Variants in NIBAN1 observed in about 807,000 individuals in gnomAD.
NIBAN1 encodes the protein protein Niban 1.
A neutral mutation model predicts 75.1 loss-of-function variants in NIBAN1; 81 were observed. The ratio of observed to expected loss-of-function variants is 1.08; its 90% CI spans 0.90 to 1.30. NIBAN1 has a LOEUF of 1.30. NIBAN1 is among the 50% of genes most tolerant of loss of function. NIBAN1 has a pLI of 0.00. For synonymous variants in NIBAN1, 436 were observed against 424.8 expected, an observed-to-expected ratio of 1.03 and a Z score of -0.32; for missense variants, 1,133 against 1,128.1, an observed-to-expected ratio of 1.00 and a Z score of -0.06.
chr1:184,888,624 A>G lies in NIBAN1; in HGVS notation c.433+1484T>C, dbSNP rs143240300. Among the ~76,000 whole-genome samples the G allele has an allele frequency of 5.6e-3, 853 of 152,276 alleles. 6 individuals are homozygous for G. The highest frequency in any genetic ancestry group is 0.019 in the African/African-American group (800 of 41,562). ...TTTAAAAAGTCATTAAAATGCCCCA[A>G]TCTGAAGCCTTGGGCCAACTGGGAT... On this transcript the variant is annotated intron_variant, in intron 4 of 13. Coordinates refer to ENST00000367511, the MANE Select transcript of NIBAN1 (RefSeq NM_052966.4).
intron 9 of NIBAN1, among the ~76,000 whole-genome samples, chr1:184,812,797 C>G (rs902129103): frequency 6.6e-6 from 1 of 152,228 alleles, no homozygotes; most frequent in African/African-American, 2.4e-5. Context: ...CCCTTTCACA[C>G]TGGTGGTCCA....
chr1:184,896,421 T>C (rs1656802896), intron 2 of NIBAN1, among the ~76,000 whole-genome samples: 1 of 152,166 alleles, frequency 6.6e-6, no homozygotes, highest in Non-Finnish European at 1.5e-5. Flanking sequence ...TCTTGTTGAG[T>C]TTCTTGTAGA....
At chr1:184,925,503 T>A (rs2102024289) in intron 1 of NIBAN1, among the ~76,000 whole-genome samples, 1 of 152,246 alleles carries the variant, frequency 6.6e-6, no homozygotes, top group Admixed American at 6.5e-5. Context: ...TCTGCCTTCC[T>A]GCCATTTTAT....
At chr1:184,873,700 T>A (rs1656167066) in intron 5 of NIBAN1, among the ~76,000 whole-genome samples, 1 of 152,206 alleles carries the variant, frequency 6.6e-6, no homozygotes, top group Admixed American at 6.5e-5. Flanking sequence ...GTTAAATTGG[T>A]ATATAAGCCC....
chr1:184,969,636 G>A (rs907409240), intron 1 of NIBAN1, among the ~76,000 whole-genome samples: 2 of 151,892 alleles, frequency 1.3e-5, no homozygotes, highest in Non-Finnish European at 2.9e-5. Flanking sequence ...CACCTTTCAG[G>A]GACCTTAAAT....
In NIBAN1 at chr1:184,894,120, A is replaced by G; in HGVS notation, c.273T>C (p.Val91=). 1 of 1,612,840 alleles carries G rather than the reference A, an allele frequency of 6.2e-7. No individual in the cohort carries two copies. Among genetic ancestry groups the G allele is most frequent in the Non-Finnish European group, 8.5e-7 (1 of 1,179,432 alleles). ...CCACAGCATAATCATTTTTAACTACAACGTATCTCTCCTTCCACTTCTTTA... is the reference window on the plus strand; with the variant it reads ...CCACAGCATAATCATTTTTAACTACGACGTATCTCTCCTTCCACTTCTTTA... ...EDIKKWKERY[V]VVKNDYAVES... The change falls in exon 3 of 14, where the codon GTT becomes GTC. Residue 91 remains valine, a synonymous_variant. Coordinates refer to ENST00000367511, the MANE Select transcript of NIBAN1 (RefSeq NM_052966.4).
chr1:184,869,277 T>G (rs1656036900), intron 5 of NIBAN1, among the ~76,000 whole-genome samples: 1 of 152,152 alleles, frequency 6.6e-6, no homozygotes. Flanking sequence ...CATGTACACC[T>G]ACACACGGTA....
intron 5 of NIBAN1, among the ~76,000 whole-genome samples, chr1:184,869,547 C>CTT (rs773764916): frequency 1.1e-3 from 168 of 146,132 alleles, no homozygotes; most frequent in African/African-American, 3.8e-3. Context: ...GCATTCACTA[C>CTT]TTTTTTTTTT....
rs1370863623 is a variant in NIBAN1, at chr1:184,795,427, C to G, written c.2337G>C (p.Glu779Asp). 1 of 1,607,396 alleles carries G rather than the reference C, an allele frequency of 6.2e-7. No homozygotes were observed. The highest frequency in any genetic ancestry group is 1.7e-5 in the Admixed American group (1 of 59,236). ...SEREAQPPCP[E>D]AHGEELGGFP... ...ATCCCCCCAACTCCTCCCCATGGGC[C>G]TCGGGACAGGGAGGTTGGGCCTCCC... is the stretch of plus-strand genomic sequence containing the variant. Residue 779 changes from glutamate (E) to aspartate (D), a missense_variant, in exon 14 of 14, where the codon GAG becomes GAC. Physicochemically the swap from Glu to Asp is conservative, Grantham distance 45. Transcript: ENST00000367511.
intron 1 of NIBAN1, among the ~76,000 whole-genome samples, chr1:184,913,018 G>T (rs552548526): frequency 6.6e-6 from 1 of 152,002 alleles, no homozygotes; most frequent in Non-Finnish European, 1.5e-5. Flanking sequence ...GATCCACACT[G>T]AAGTTTAGAA....
In NIBAN1 at chr1:184,791,115, A is replaced by G. The variant is rs1558090175; in HGVS notation, c.*3862T>C. On this transcript the variant is annotated 3_prime_UTR_variant, in exon 14 of 14. Transcript: ENST00000367511. ...AAAGTGTTTTAAGTTTATTTGCTTT[A>G]TATAGTGACCGGGAAAGTCAATCCA... The G allele has an allele frequency of 4.4e-6, 2 of 458,406 alleles. No homozygotes were observed. The highest frequency in any genetic ancestry group is 8.9e-6 in the Non-Finnish European group (2 of 223,562). The allele number at this position is 458,406 out of a possible 1,614,324, so 28.4% of individuals were successfully genotyped here.
chr1:184,814,395 T>C (rs1857954), intron 9 of NIBAN1, among the ~76,000 whole-genome samples: 94,555 of 151,996 alleles, frequency 0.62, 31,144 homozygotes, highest in Middle Eastern at 0.76. Flanking sequence ...AATACACTAA[T>C]GGAAACATAA....
intron 1 of NIBAN1, among the ~76,000 whole-genome samples, chr1:184,970,860 A>C (rs1658917273): frequency 6.6e-6 from 1 of 152,236 alleles, no homozygotes; most frequent in African/African-American, 2.4e-5. Context: ...GATTCGTTAA[A>C]AATTCAAGGG....
chr1:184,834,026 AG>A (rs1473742207), intron 5 of NIBAN1, among the ~76,000 whole-genome samples: 2 of 141,530 alleles, frequency 1.4e-5, no homozygotes, highest in African/African-American at 5.3e-5. Flanking sequence ...ACCCCACAAC[AG>A]GCCCCAGTGT....
At chr1:184,904,299 A>G (rs891700166) in intron 1 of NIBAN1, among the ~76,000 whole-genome samples, 1 of 152,130 alleles carries the variant, frequency 6.6e-6, no homozygotes, top group Non-Finnish European at 1.5e-5. Flanking sequence ...TAGTGCTGGG[A>G]TTACAGGCAT....
At chr1:184,961,229 T>C (rs988401434) in intron 1 of NIBAN1, among the ~76,000 whole-genome samples, 5 of 151,874 alleles carry the variant, frequency 3.3e-5, no homozygotes, top group Admixed American at 6.6e-5. Flanking sequence ...CCGCCACGCC[T>C]GGCTAATTTT....
intron 1 of NIBAN1, 41 bp from the exon 2 acceptor site, chr1:184,899,350 G>A (rs1316865872): frequency 6.9e-6 from 11 of 1,603,980 alleles, no homozygotes; most frequent in Non-Finnish European, 9.4e-6. Flanking sequence ...GTATAGCACA[G>A]AATATACACC....
Position 184,795,399 on chromosome 1 carries a change from GA to G in NIBAN1, c.2364del (p.Pro789GlnfsTer3), listed in dbSNP as rs755767864. The G allele has an allele frequency of 5.0e-6, 8 of 1,606,254 alleles. No individual in the cohort carries two copies. Among genetic ancestry groups the G allele is most frequent in the Non-Finnish European group, 6.8e-6 (8 of 1,176,582 alleles). ...GGAGAGGCTGGGCTGCCTACCTCTG[GA>G]AATCCCCCCAACTCCTCCCCATGGG... ...PEAHGEELGG[F>X]PEVGSPASPP... On this transcript the variant is annotated frameshift_variant, in exon 14 of 14. Transcript: ENST00000367511. LOFTEE classifies it low-confidence loss of function (END_TRUNC).
At chr1:184,917,792 C>A (rs1657433920) in intron 1 of NIBAN1, among the ~76,000 whole-genome samples, 1 of 152,008 alleles carries the variant, frequency 6.6e-6, no homozygotes, top group African/African-American at 2.4e-5. Context: ...TAGTTTTCAC[C>A]CACACATGCA....
Sources: gnomAD v4.1 joint callset for allele counts (sites outside exome capture counted in the v4.1 genomes callset) on GRCh38, gnomAD v4.1.1 for gene constraint, MANE v1.5 for transcripts, NCBI Gene and HGNC (gene_info 2026-07-23, HGNC 2026-07-21) for gene names.